The following USH2A variants were observed in gnomAD, a reference collection of about 807,000 sequenced individuals.
USH2A encodes usherin.
In USH2A, 443 loss-of-function variants were observed where a neutral mutation model predicts 538.9. That is an observed-to-expected ratio of 0.82 (90% CI 0.76 to 0.89). The LOEUF is 0.89. Among genes scored for constraint, USH2A ranks in the 40% least tolerant of loss-of-function variants. The pLI is 0.00. For missense variants in USH2A, 6,633 were observed against 6,324.8 expected (o/e 1.05, Z -1.65); for synonymous variants, 2,413 against 2,273.5 (o/e 1.06, Z -1.75).
chr1:215,656,355 T>C (rs1279080251), intron 64 of USH2A, among the ~76,000 whole-genome samples: 1 of 152,210 alleles, frequency 6.6e-6, no homozygotes, highest in East Asian at 1.9e-4. Context: ...TTTATGATTC[T>C]TTTGGCCAAG....
intron 55 of USH2A, among the ~76,000 whole-genome samples, chr1:215,778,653 C>A (rs759776399): frequency 1.3e-4 from 20 of 152,050 alleles, no homozygotes; most frequent in Non-Finnish European, 2.5e-4. Context: ...GCTATCAACA[C>A]CCCCTGCAAA....
chr1:215,972,809 C>T (rs991025095), intron 35 of USH2A, among the ~76,000 whole-genome samples: 9 of 152,078 alleles, frequency 5.9e-5, no homozygotes, highest in Admixed American at 4.6e-4. Flanking sequence ...GATGTGGCTG[C>T]CAGTATCTGT....
intron 47 of USH2A, among the ~76,000 whole-genome samples, chr1:215,819,550 GTTT>G (rs2102798777): frequency 6.6e-6 from 1 of 151,912 alleles, no homozygotes; most frequent in African/African-American, 2.4e-5. Context: ...TTATTCTGAA[GTTT>G]TTATCAAACT....
intron 35 of USH2A, 130 bp from the exon 36 acceptor site, chr1:215,970,906 CTT>C: frequency 1.1e-6 from 1 of 917,916 alleles, no homozygotes; most frequent in Non-Finnish European, 1.7e-6. Context: ...GGTATTTCTC[CTT>C]GTCTAAACTC....
At chr1:215,756,458 C>T (rs1660795659) in intron 58 of USH2A, among the ~76,000 whole-genome samples, 1 of 152,116 alleles carries the variant, frequency 6.6e-6, no homozygotes, top group Non-Finnish European at 1.5e-5. Flanking sequence ...TGCTCATCAC[C>T]CTGAAATTTC....
intron 61 of USH2A, among the ~76,000 whole-genome samples, chr1:215,707,960 C>T (rs1659228430): frequency 1.3e-5 from 2 of 152,134 alleles, no homozygotes; most frequent in African/African-American, 4.8e-5. Context: ...AGTACAATTG[C>T]ATCATTCAAT....
At chr1:215,871,719 G>T (rs1454681956) in intron 43 of USH2A, among the ~76,000 whole-genome samples, 3 of 152,248 alleles carry the variant, frequency 2.0e-5, no homozygotes, top group South Asian at 4.1e-4. Context: ...TTTTAAATGA[G>T]AACATCTAAT....
intron 64 of USH2A, among the ~76,000 whole-genome samples, chr1:215,659,422 C>T (rs961184983): frequency 3.3e-5 from 5 of 152,166 alleles, no homozygotes; most frequent in African/African-American, 1.2e-4. Flanking sequence ...CGAAAGTCCT[C>T]ATGGAACTAG....
chr1:215,947,200 C>T (rs899680484), intron 37 of USH2A, among the ~76,000 whole-genome samples: 3 of 151,968 alleles, frequency 2.0e-5, no homozygotes, highest in African/African-American at 7.3e-5. Flanking sequence ...TGCACCACCA[C>T]TCCTGGCTAA....
At chr1:215,762,483 G>C (rs1661007103) in intron 56 of USH2A, among the ~76,000 whole-genome samples, 1 of 152,074 alleles carries the variant, frequency 6.6e-6, no homozygotes, top group South Asian at 2.1e-4. Context: ...ATTTATACCG[G>C]CTGGCAAAAG....
rs1179084445 is a variant in USH2A at position 216,199,742 on chromosome 1, C to A, written c.3696G>T (p.Leu1232Phe). The A allele has an allele frequency of 2.5e-6, 4 of 1,613,950 alleles. No individual in the cohort carries two copies. In the African/African-American group the frequency reaches 4.0e-5, roughly 16 times the overall value. ...ACTSGGCLHSLPITVTTAQAP... is the reference protein window; with the variant it reads ...ACTSGGCLHSFPITVTTAQAP... The stretch of plus-strand genomic sequence containing the variant: ...CCTGGGCTGTGGTCACTGTAATGGG[C>A]AAGCTGTGTAAACAGCCCCCGCTAG... The change falls in exon 17 of 72, where the codon TTG (leucine) becomes TTT (phenylalanine). Residue 1232 changes from leucine to phenylalanine, a missense_variant. Coordinates refer to ENST00000307340, the MANE Select transcript of USH2A (RefSeq NM_206933.4).
chr1:216,357,947 C>T (rs2038419732), intron 4 of USH2A, among the ~76,000 whole-genome samples: 1 of 152,114 alleles, frequency 6.6e-6, no homozygotes, highest in African/African-American at 2.4e-5. Context: ...GGAGCCATCA[C>T]ACTTTGGTTG....
chr1:215,803,127 G>A (rs1005681312), intron 49 of USH2A, among the ~76,000 whole-genome samples: 7 of 152,064 alleles, frequency 4.6e-5, no homozygotes, highest in Admixed American at 1.3e-4. Context: ...TTGATGGGAT[G>A]TATCTCAAAA....
intron 43 of USH2A, among the ~76,000 whole-genome samples, chr1:215,868,418 A>G (rs571675633): frequency 2.6e-5 from 4 of 152,192 alleles, no homozygotes; most frequent in Admixed American, 2.6e-4. Flanking sequence ...TACAGGTAAA[A>G]CTTAGTGACT....
chr1:215,859,524 A>G (rs1664260819), intron 44 of USH2A, among the ~76,000 whole-genome samples: 1 of 151,858 alleles, frequency 6.6e-6, no homozygotes, highest in African/African-American at 2.4e-5. Flanking sequence ...ACAGAATGAG[A>G]CTCCATCTCC....
chr1:215,867,390 G>A (rs750659681), intron 43 of USH2A, among the ~76,000 whole-genome samples: 13 of 152,040 alleles, frequency 8.6e-5, no homozygotes, highest in Non-Finnish European at 1.5e-4. Context: ...AAAACATCAG[G>A]GAAATATTTT....
chr1:215,964,847 C>A (rs753745903), intron 37 of USH2A, among the ~76,000 whole-genome samples: 7 of 152,142 alleles, frequency 4.6e-5, no homozygotes, highest in Non-Finnish European at 8.8e-5. Flanking sequence ...GAACACACAG[C>A]AGAATTACTA....
intron 20 of USH2A, among the ~76,000 whole-genome samples, chr1:216,181,231 C>T (rs900749857): frequency 2.0e-5 from 3 of 152,048 alleles, no homozygotes; most frequent in Admixed American, 6.6e-5. Context: ...CTCTATTCTT[C>T]GGTTACTTCA....
intron 30 of USH2A, among the ~76,000 whole-genome samples, chr1:216,059,128 T>C (rs905610223): frequency 6.6e-6 from 1 of 152,088 alleles, no homozygotes; most frequent in Non-Finnish European, 1.5e-5. Flanking sequence ...AATACATATA[T>C]AGAGAGAGAG....
Sources: allele counts gnomAD v4.1 joint callset (sites outside exome capture counted in the v4.1 genomes callset), GRCh38; gene constraint gnomAD v4.1.1; transcripts MANE v1.5; gene names NCBI Gene and HGNC (gene_info 2026-07-23, HGNC 2026-07-21).